PIK3C2G: variants seen among roughly 807,000 people sequenced by gnomAD.
PIK3C2G encodes the protein phosphatidylinositol-4-phosphate 3-kinase catalytic subunit type 2 gamma.
A neutral mutation model predicts 181.1 loss-of-function variants in PIK3C2G; 168 were observed. The observed-to-expected ratio is 0.93, with a 90% confidence interval of 0.82 to 1.05. The LOEUF (loss-of-function observed/expected upper bound fraction) is 1.05, where lower values mean the gene tolerates loss of function less well. PIK3C2G is among the 50% of genes least tolerant of loss of function. The probability of loss-of-function intolerance (pLI) is 0.00; values close to 1 mark genes in which losing one functional copy is unlikely to be tolerated. For missense variants in PIK3C2G, 1,869 were observed against 1,732.8 expected, an observed-to-expected ratio of 1.08 and a Z score of -1.40; for synonymous variants, 573 against 592.2, an observed-to-expected ratio of 0.97 and a Z score of 0.47.
intron 13 of PIK3C2G, among the ~76,000 whole-genome samples, chr12:18,378,838 G>A (rs1033765367): frequency 4.6e-5 from 7 of 152,134 alleles, no homozygotes; most frequent in Non-Finnish European, 7.3e-5. Context: ...CAGTTAGAAT[G>A]GCGATCATTA....
In PIK3C2G at chr12:18,327,990, CT is replaced by C. The variant is rs772786778; in HGVS notation, c.1272+2894del. 3.9e-5 allele frequency among the ~76,000 whole-genome samples: 6 copies of C among 151,950 alleles called. No homozygotes were observed. The East Asian group carries it at 1.2e-3, about 29-fold the overall frequency. ...ATCAACTTCTGATTTAAAATCACTT[CT>C]TCCTAGTAGTCTCTAATATGTTGTC... On this transcript the variant is annotated intron_variant, in intron 8 of 32. Transcript: ENST00000538779.
chr12:18,646,604 G>A (rs1190035385), intron 32 of PIK3C2G, among the ~76,000 whole-genome samples: 2 of 152,052 alleles, frequency 1.3e-5, no homozygotes, highest in Non-Finnish European at 2.9e-5. Flanking sequence ...GAACTCAGAG[G>A]GCTGCCCTCT....
intron 9 of PIK3C2G, among the ~76,000 whole-genome samples, chr12:18,342,283 T>G (rs1205122912): frequency 6.6e-6 from 1 of 152,096 alleles, no homozygotes; most frequent in Non-Finnish European, 1.5e-5. Flanking sequence ...ATAGAAATGC[T>G]TCTGAAAAGG....
At chr12:18,574,682 C>T (rs1396856695) in intron 29 of PIK3C2G, among the ~76,000 whole-genome samples, 4 of 152,160 alleles carry the variant, frequency 2.6e-5, no homozygotes, top group Non-Finnish European at 2.9e-5. Flanking sequence ...TCATGTTGCA[C>T]ATACAGACAT....
At chr12:18,353,075 G>C (rs1031333068) in intron 11 of PIK3C2G, among the ~76,000 whole-genome samples, 1 of 152,152 alleles carries the variant, frequency 6.6e-6, no homozygotes, top group Non-Finnish European at 1.5e-5. Context: ...TTTCAGCCTG[G>C]TATTTTCCTG....
intron 24 of PIK3C2G, among the ~76,000 whole-genome samples, chr12:18,519,361 T>C (rs1227387151): frequency 3.3e-5 from 5 of 152,220 alleles, no homozygotes; most frequent in Non-Finnish European, 1.5e-5. Context: ...TCTCAGTCTC[T>C]TTGTTGGTCT....
At chr12:18,651,181 G>C (rs936865081), downstream of PIK3C2G, among the ~76,000 whole-genome samples, 3 of 151,884 alleles carry the variant, frequency 2.0e-5, no homozygotes, top group Non-Finnish European at 4.4e-5. Context: ...CTCCAGGCAC[G>C]CTTCATCCCT....
intron 18 of PIK3C2G, among the ~76,000 whole-genome samples, chr12:18,459,022 T>G (rs527490471): frequency 2.0e-5 from 3 of 151,998 alleles, no homozygotes; most frequent in South Asian, 4.2e-4. Context: ...ATACCCTGAG[T>G]AGAGCACCAG....
chr12:18,661,000 A>C, the PIK3C2G span, among the ~76,000 whole-genome samples: 1 of 152,176 alleles, frequency 6.6e-6, no homozygotes, highest in South Asian at 2.1e-4. Flanking sequence ...CTGGAACTGG[A>C]AAGTACAACT....
chr12:18,408,854 T>C (rs1944693640), intron 16 of PIK3C2G, among the ~76,000 whole-genome samples: 1 of 152,120 alleles, frequency 6.6e-6, no homozygotes, highest in Non-Finnish European at 1.5e-5. Flanking sequence ...TGAGATACCA[T>C]CTCAGGACAG....
At chr12:18,676,388 G>T in the PIK3C2G span, among the ~76,000 whole-genome samples, 3 of 152,000 alleles carry the variant, frequency 2.0e-5, no homozygotes, top group African/African-American at 7.2e-5. Flanking sequence ...CTTTTTTGCA[G>T]ATGTCCCTTT....
chr12:18,580,903 C>A (rs1266902207), intron 29 of PIK3C2G, among the ~76,000 whole-genome samples: 1 of 152,188 alleles, frequency 6.6e-6, no homozygotes, highest in Non-Finnish European at 1.5e-5. Context: ...CTAAATCTTG[C>A]AGCCAATTCT....
intron 24 of PIK3C2G, among the ~76,000 whole-genome samples, chr12:18,512,687 A>C (rs1274063788): frequency 2.0e-5 from 3 of 151,920 alleles, no homozygotes; most frequent in African/African-American, 7.2e-5. Context: ...CAGTTCTAAC[A>C]GTTCTTTAGT....
chr12:18,590,617 T>C (rs1592661462), intron 29 of PIK3C2G, among the ~76,000 whole-genome samples: 1 of 152,054 alleles, frequency 6.6e-6, no homozygotes, highest in African/African-American at 2.4e-5. Context: ...GCACTGATAA[T>C]TCTATAAATC....
intron 11 of PIK3C2G, 88 bp downstream of exon 11, chr12:18,346,924 G>T: frequency 5.4e-6 from 4 of 743,754 alleles, no homozygotes; most frequent in Non-Finnish European, 6.0e-6. Flanking sequence ...ATATGCAGGA[G>T]CAAAGATTTC....
the PIK3C2G span, among the ~76,000 whole-genome samples, chr12:18,671,570 A>G: frequency 6.6e-6 from 1 of 152,088 alleles, no homozygotes; most frequent in South Asian, 2.1e-4. Flanking sequence ...CAAAACTACA[A>G]ATTTGATTTC....
intron 16 of PIK3C2G, among the ~76,000 whole-genome samples, chr12:18,401,470 T>C (rs577579405): frequency 1.3e-5 from 2 of 152,276 alleles, no homozygotes; most frequent in African/African-American, 4.8e-5. Flanking sequence ...AAAATTGTTA[T>C]GCTAAATTCT....
chr12:18,327,469 T>C (rs1005384835), intron 8 of PIK3C2G, among the ~76,000 whole-genome samples: 1 of 152,094 alleles, frequency 6.6e-6, no homozygotes, highest in African/African-American at 2.4e-5. Context: ...ATAATATGAA[T>C]ATTTTAAAGT....
At chr12:18,441,151 G>A (rs1047803726) in intron 18 of PIK3C2G, among the ~76,000 whole-genome samples, 1 of 152,264 alleles carries the variant, frequency 6.6e-6, no homozygotes, top group East Asian at 1.9e-4. Flanking sequence ...AAAGAGAGAT[G>A]TGATCACCTG....
Sources: gnomAD v4.1 joint callset for allele counts (sites outside exome capture counted in the v4.1 genomes callset) on GRCh38, gnomAD v4.1.1 for gene constraint, MANE v1.5 for transcripts, NCBI Gene and HGNC (gene_info 2026-07-23, HGNC 2026-07-21) for gene names.